Variants in USH1C observed in about 807,000 individuals in gnomAD.
The protein encoded by USH1C is USH1 protein network component harmonin.
USH1C carries 90 observed loss-of-function variants against 119.3 expected under a neutral mutation model. The observed-to-expected ratio is 0.75, with a 90% confidence interval of 0.64 to 0.90. The LOEUF (loss-of-function observed/expected upper bound fraction) is 0.90. Ranked by LOEUF, USH1C falls within the 40% of genes least tolerant of loss-of-function variation. The pLI, the probability that USH1C is intolerant of heterozygous loss-of-function variation, is 0.00. For synonymous variants in USH1C, 465 were observed against 443.3 expected (o/e 1.05, Z -0.62); for missense variants, 1,165 against 1,167.7 (o/e 1.00, Z 0.03).
At chr11:17,527,444 G>T in intron 4 of USH1C, 113 bp from the exon 5 acceptor site, 1 of 864,696 alleles carries the variant, frequency 1.2e-6, no homozygotes, top group Non-Finnish European at 1.9e-6. Flanking sequence ...GGGTGGCTGT[G>T]CCACCCCCTG....
intron 4 of USH1C, among the ~76,000 whole-genome samples, chr11:17,530,839 A>G (rs1486731676): frequency 2.0e-5 from 3 of 152,152 alleles, no homozygotes; most frequent in Non-Finnish European, 2.9e-5. Flanking sequence ...AAAACTTCAT[A>G]TGCCAGCATC....
At chr11:17,515,220 T>C (rs1267701563) in intron 15 of USH1C, among the ~76,000 whole-genome samples, 1 of 152,218 alleles carries the variant, frequency 6.6e-6, no homozygotes, top group African/African-American at 2.4e-5. Flanking sequence ...AAGGCCTTTC[T>C]GAGACCAGGA....
chr11:17,520,828 G>A (rs1484586047), intron 14 of USH1C, 42 bp downstream of exon 14: 2 of 1,613,134 alleles, frequency 1.2e-6, no homozygotes, highest in South Asian at 2.2e-5. Flanking sequence ...CAGCATTTCT[G>A]ACTAGTTCCC....
In USH1C at chr11:17,531,122, C is replaced by T. The variant is rs201260115; in HGVS notation, c.387+32G>A. ...GGGGAGGCAGGAGGTCCGAGGCCCT[C>T]GCTCCCCCTCCCCCGGACTCTGTTT... is the stretch of plus-strand genomic sequence containing the variant. On this transcript the variant is annotated intron_variant, in intron 4 of 26. Transcript: ENST00000005226. The surrounding 1 kb of genome is among the most constrained non-coding windows in gnomAD (Gnocchi z 4.2). 177 of 1,613,504 alleles carry T rather than the reference C, an allele frequency of 1.1e-4. 1 individual carries two copies. Among genetic ancestry groups the T allele is most frequent in the Admixed American group, 3.3e-4 (20 of 60,004 alleles).
At chr11:17,523,587 G>A in intron 9 of USH1C, 109 bp from the exon 10 acceptor site, 2 of 1,040,174 alleles carry the variant, frequency 1.9e-6, no homozygotes, top group Non-Finnish European at 3.0e-6. Context: ...ATCTTCAAGT[G>A]GCAGTACCTC....
At chr11:17,529,497 C>T (rs905864114) in intron 4 of USH1C, among the ~76,000 whole-genome samples, 26 of 152,192 alleles carry the variant, frequency 1.7e-4, no homozygotes, top group African/African-American at 6.3e-4. Flanking sequence ...TCCAGTTGCC[C>T]TCAGGCATGA....
intron 21 of USH1C, 45 bp downstream of exon 21, chr11:17,501,894 C>T (rs1465410837): frequency 6.2e-7 from 1 of 1,604,602 alleles, no homozygotes; most frequent in Non-Finnish European, 8.5e-7. Flanking sequence ...CCACACTGCC[C>T]TGTTCCTGGG....
Position 17,544,401 on chromosome 11 carries a change from A to T in USH1C, c.-94T>A, listed in dbSNP as rs150649483. 1.1e-5 allele frequency: 17 copies of T among 1,581,360 alleles called. No homozygotes were observed. In the East Asian group the frequency reaches 3.9e-4, roughly 36 times the overall value. On this transcript the variant is annotated 5_prime_UTR_variant, in exon 1 of 27. Transcript: ENST00000005226. Reference sequence around the variant, plus strand: ...AAAGAGCCGCGACCGCGACCGGGCCAGCCGCCCTCGGAGCTGGGGGCGGGG... The same window carrying T: ...AAAGAGCCGCGACCGCGACCGGGCCTGCCGCCCTCGGAGCTGGGGGCGGGG...
At chr11:17,499,883 C>CAGCCT (rs1849373283) in intron 23 of USH1C, among the ~76,000 whole-genome samples, 1 of 152,210 alleles carries the variant, frequency 6.6e-6, no homozygotes, top group Admixed American at 6.5e-5. Flanking sequence ...GCTTATGGTA[C>CAGCCT]AGCCTGGCTC....
intron 16 of USH1C, among the ~76,000 whole-genome samples, chr11:17,511,011 T>G (rs1297298845): frequency 4.6e-5 from 7 of 152,236 alleles, no homozygotes; most frequent in Non-Finnish European, 1.0e-4. Context: ...TTCTCTGGTT[T>G]TATAATCTAA....
intron 21 of USH1C, 68 bp downstream of exon 21, chr11:17,501,871 A>C: frequency 6.4e-7 from 1 of 1,568,528 alleles, no homozygotes; most frequent in Non-Finnish European, 8.7e-7. Flanking sequence ...ACCACTATCA[A>C]ACCCTCTAAC....
chr11:17,503,673 C>A (rs1421358289), intron 20 of USH1C, among the ~76,000 whole-genome samples: 1 of 152,192 alleles, frequency 6.6e-6, no homozygotes, highest in Non-Finnish European at 1.5e-5. Flanking sequence ...CAGGATGGTG[C>A]AGTGTTTAAG....
rs367778671 is a variant in USH1C at position 17,529,538 on chromosome 11, G to A, written c.387+1616C>T. Among the ~76,000 whole-genome samples, 3 of 152,202 alleles carry A rather than the reference G, an allele frequency of 2.0e-5. No individual in the cohort carries two copies. The East Asian group carries it at 5.8e-4, about 29-fold the overall frequency. Reference sequence around the variant, plus strand: ...CCCCAGAAGCATGAACCCCAGACAGGTCAATGGATGCAGCCATTTTTCCCG... The same window carrying A: ...CCCCAGAAGCATGAACCCCAGACAGATCAATGGATGCAGCCATTTTTCCCG... On this transcript the variant is annotated intron_variant, in intron 4 of 26. Transcript: ENST00000005226.
intron 1 of USH1C, among the ~76,000 whole-genome samples, chr11:17,539,993 G>A (rs1214792039): frequency 6.6e-6 from 1 of 151,728 alleles, no homozygotes; most frequent in Non-Finnish European, 1.5e-5. Flanking sequence ...CACCACACCT[G>A]GCTAATTTTT....
intron 14 of USH1C, 63 bp from the exon 15 acceptor site, chr11:17,516,353 A>C (rs1462891080): frequency 1.3e-6 from 2 of 1,522,296 alleles, no homozygotes; most frequent in Admixed American, 3.6e-5. Context: ...ATCCATGGGC[A>C]GCAGATGGGA....
chr11:17,506,156 T>C (rs746622329), intron 18 of USH1C, among the ~76,000 whole-genome samples: 7 of 152,198 alleles, frequency 4.6e-5, no homozygotes, highest in Non-Finnish European at 1.0e-4. Flanking sequence ...TCACAGAAAC[T>C]ACTGAGCGGC....
At position 17,518,708 on chromosome 11, in the gene USH1C, C is replaced by G. The variant is rs528294118; in HGVS notation, c.1210+2162G>C. On this transcript the variant is annotated intron_variant, in intron 14 of 26. Coordinates refer to ENST00000005226, the MANE Select transcript of USH1C (RefSeq NM_153676.4). ...TTTTCTAGGTAAGAGATGCCCCATG[C>G]TCTTTTATTTTAAAAAATGCAGGGC... Among the ~76,000 whole-genome samples, 8 of 152,298 alleles carry G rather than the reference C, an allele frequency of 5.3e-5. No individual in the cohort carries two copies. The East Asian group carries it at 1.5e-3, about 29-fold the overall frequency.
chr11:17,539,641 G>A (rs1851371919), intron 1 of USH1C, among the ~76,000 whole-genome samples: 2 of 152,066 alleles, frequency 1.3e-5, no homozygotes. Context: ...GGGATGAATA[G>A]ATCCAGCCAC....
At chr11:17,511,808 G>A in intron 16 of USH1C, 94 bp downstream of exon 16, 1 of 1,465,324 alleles carries the variant, frequency 6.8e-7, no homozygotes, top group Non-Finnish European at 9.2e-7. Flanking sequence ...TGCCATTTGA[G>A]GAGAACAACT....
Sources: gnomAD v4.1 joint callset for allele counts (sites outside exome capture counted in the v4.1 genomes callset) on GRCh38, gnomAD v4.1.1 for gene constraint, Gnocchi (gnomAD v3.1) non-coding constraint, MANE v1.5 for transcripts, NCBI Gene and HGNC (gene_info 2026-07-23, HGNC 2026-07-21) for gene names.